The following MYO5B variants were observed in gnomAD, a reference collection of about 807,000 sequenced individuals.
MYO5B encodes myosin VB.
MYO5B carries 143 observed loss-of-function variants against 229.3 expected under a neutral mutation model. The ratio of observed to expected loss-of-function variants is 0.62; its 90% confidence interval spans 0.54 to 0.72. MYO5B has a LOEUF of 0.72. MYO5B is among the 30% of genes least tolerant of loss of function. The pLI is 0.00. For missense variants in MYO5B, 2,321 were observed against 2,331.0 expected (o/e 1.00, Z 0.09); for synonymous variants, 918 against 885.2 (o/e 1.04, Z -0.66).
At chr18:49,975,834 T>C (rs976707458) in intron 9 of MYO5B, among the ~76,000 whole-genome samples, 12 of 152,168 alleles carry the variant, frequency 7.9e-5, no homozygotes, top group African/African-American at 2.7e-4. Context: ...ATGTATCTCC[T>C]GCCTACCCCA....
chr18:49,921,256 G>GTT (rs11306054), intron 17 of MYO5B, among the ~76,000 whole-genome samples: 30 of 121,828 alleles, frequency 2.5e-4, no homozygotes, highest in Admixed American at 4.2e-4. Context: ...TTCAAGCAGA[G>GTT]TTTTTTTTTT....
At chr18:50,104,438 A>C (rs1291138657) in intron 1 of MYO5B, among the ~76,000 whole-genome samples, 1 of 151,966 alleles carries the variant, frequency 6.6e-6, no homozygotes, top group Admixed American at 6.6e-5. Flanking sequence ...GTGGTCATTA[A>C]TTTATTCAAT....
At position 50,046,713 on chromosome 18, in the gene MYO5B, T is replaced by A. The variant is rs181835993; in HGVS notation, c.139-6399A>T. Among the ~76,000 whole-genome samples the A allele has an allele frequency of 3.1e-3, 466 of 152,234 alleles. 1 individual carries two copies. The highest frequency in any genetic ancestry group is 0.011 in the African/African-American group (438 of 41,534). ...TAAAAGGTTGTTTTGTGCTATGTCC[T>A]AGACAAGCACAAAAAAACACAAACA... On this transcript the variant is annotated intron_variant, in intron 2 of 39. Coordinates refer to ENST00000285039, the MANE Select transcript of MYO5B (RefSeq NM_001080467.3).
chr18:49,826,728 C>CCTAATTGTCGTA, intron 39 of MYO5B, 105 bp from the exon 40 acceptor site: 1 of 1,353,026 alleles, frequency 7.4e-7, no homozygotes, highest in Non-Finnish European at 1.1e-6. Context: ...AAGATTTCTA[C>CCTAATTGTCGTA]GACAATTAGG....
chr18:50,061,219 T>C (rs959862393), intron 1 of MYO5B, among the ~76,000 whole-genome samples: 2 of 152,184 alleles, frequency 1.3e-5, no homozygotes, highest in African/African-American at 2.4e-5. Context: ...CACCATTTAT[T>C]AGCTTGTGTA....
At chr18:50,173,951 G>A (rs60552322) in intron 1 of MYO5B, among the ~76,000 whole-genome samples, 2 of 152,144 alleles carry the variant, frequency 1.3e-5, no homozygotes, top group African/African-American at 4.8e-5. Flanking sequence ...GTGTGTCTGC[G>A]AGGGCGTTTC....
At position 50,040,283 on chromosome 18, in the gene MYO5B, T is replaced by A; in HGVS notation, c.170A>T (p.Asn57Ile). 1 of 1,613,970 alleles carries A rather than the reference T, an allele frequency of 6.2e-7. No individual in the cohort carries two copies. The highest frequency in any genetic ancestry group is 8.5e-7 in the Non-Finnish European group (1 of 1,179,974). Residue 57 changes from asparagine to isoleucine, a missense_variant, in exon 3 of 40, where the codon AAC becomes ATC. Asn to Ile is a moderately radical substitution (Grantham distance 149). Coordinates refer to ENST00000285039, the MANE Select transcript of MYO5B (RefSeq NM_001080467.3). ...TGGATTCCGTAAGAAGGGCAGCTGG[T>A]TGCGTTGTACATCAATTGGGTATTC... ...ILEYPIDVQR[N>I]QLPFLRNPDI...
chr18:49,996,980 A>G (rs1267617589), intron 5 of MYO5B, among the ~76,000 whole-genome samples: 1 of 152,166 alleles, frequency 6.6e-6, no homozygotes, highest in African/African-American at 2.4e-5. Flanking sequence ...TCTTTGCCCT[A>G]AAAAGCGTGA....
At position 49,853,658 on chromosome 18, in the gene MYO5B, G is replaced by A. The variant is rs758895116; in HGVS notation, c.4023-11C>T. On this transcript the variant is annotated splice_polypyrimidine_tract_variant and intron_variant, in intron 30 of 39. Transcript: ENST00000285039. ...TGAGCCTCCAGCAGCCTGTGCCAGGGAGAGGACAGGTGAGCACGTGGCCCA... is the reference window on the plus strand; with the variant it reads ...TGAGCCTCCAGCAGCCTGTGCCAGGAAGAGGACAGGTGAGCACGTGGCCCA... 4 of 1,610,374 alleles carry A rather than the reference G, an allele frequency of 2.5e-6. No individual in the cohort carries two copies. The highest frequency in any genetic ancestry group is 3.3e-5 in the Admixed American group (2 of 59,962).
chr18:50,147,263 G>A (rs2032518459), intron 1 of MYO5B, among the ~76,000 whole-genome samples: 2 of 152,108 alleles, frequency 1.3e-5, no homozygotes, highest in South Asian at 4.1e-4. Flanking sequence ...GATCCTAGGA[G>A]TCACCCTTAG....
intron 1 of MYO5B, among the ~76,000 whole-genome samples, chr18:50,157,906 T>C (rs2032707141): frequency 6.6e-6 from 1 of 152,202 alleles, no homozygotes; most frequent in Non-Finnish European, 1.5e-5. Flanking sequence ...ATTGAGAATA[T>C]TTTAAAAACC....
At chr18:50,125,737 A>G (rs1459886551) in intron 1 of MYO5B, among the ~76,000 whole-genome samples, 1 of 152,196 alleles carries the variant, frequency 6.6e-6, no homozygotes, top group African/African-American at 2.4e-5. Context: ...CATTCATCAC[A>G]ATAGACAAAA....
In MYO5B at chr18:49,929,575, T is replaced by C. The variant is rs1453899437; in HGVS notation, c.2027A>G (p.Gln676Arg). The C allele has an allele frequency of 6.2e-7, 1 of 1,602,692 alleles. No homozygotes were observed. The part of the protein sequence containing the change: ...PFHFDPKRAV[Q>R]QLRACGVLET... Reference sequence around the variant, plus strand: ...CAACACCCCGCAGGCTCTGAGTTGCTGCACTGCTCTCTTTGGGTCAAAGCT... The same window carrying C: ...CAACACCCCGCAGGCTCTGAGTTGCCGCACTGCTCTCTTTGGGTCAAAGCT... Residue 676 changes from glutamine to arginine, a missense_variant, in exon 17 of 40, where the codon CAG (glutamine) becomes CGG (arginine). Coordinates refer to ENST00000285039, the MANE Select transcript of MYO5B (RefSeq NM_001080467.3).
intron 17 of MYO5B, among the ~76,000 whole-genome samples, chr18:49,918,296 T>A (rs897869415): frequency 6.6e-6 from 1 of 152,212 alleles, no homozygotes; most frequent in African/African-American, 2.4e-5. Flanking sequence ...CTCGGGCATG[T>A]TTCCTCATGA....
At chr18:49,853,726 A>G in intron 30 of MYO5B, 79 bp from the exon 31 acceptor site, 1 of 1,359,444 alleles carries the variant, frequency 7.4e-7, no homozygotes, top group Non-Finnish European at 1.0e-6. Context: ...GAAACATAAC[A>G]GGGGAGCAGC....
intron 9 of MYO5B, among the ~76,000 whole-genome samples, chr18:49,979,393 C>T (rs1313869299): frequency 2.6e-5 from 4 of 152,222 alleles, no homozygotes; most frequent in Non-Finnish European, 5.9e-5. Context: ...GGGGCCCTCT[C>T]AAACCCTAGA....
chr18:50,157,164 G>A (rs912220592), intron 1 of MYO5B, among the ~76,000 whole-genome samples: 2 of 151,806 alleles, frequency 1.3e-5, no homozygotes, highest in Non-Finnish European at 2.9e-5. Context: ...GGAGTGCAGT[G>A]GCGTGATCTC....
rs754860103 is a variant in MYO5B at position 49,912,145 on chromosome 18, A to C, written c.2119T>G (p.Tyr707Asp). 17 of 1,613,938 alleles carry C rather than the reference A, an allele frequency of 1.1e-5. No individual in the cohort carries two copies. Among genetic ancestry groups the C allele is most frequent in the Non-Finnish European group, 1.4e-5 (17 of 1,179,986 alleles). The part of the protein sequence containing the change: ...RWAYHDFFNR[Y>D]RVLVKKRELA... ...TCTCTCTTCTTGACCAGCACCCGAT[A>C]CCGGTTGAAAAAGTCATGGTAGGCC... is the stretch of plus-strand genomic sequence containing the variant. The change falls in exon 18 of 40, where the codon TAT becomes GAT. Residue 707 changes from tyrosine to aspartate, a missense_variant. Around this residue, in one of 2 missense-constraint regions of MYO5B, gnomAD observed 2,113 missense variants for 2,044.7 expected, o/e 1.03. Coordinates refer to ENST00000285039, the MANE Select transcript of MYO5B (RefSeq NM_001080467.3).
At chr18:49,952,094 T>C (rs2025436756) in intron 14 of MYO5B, among the ~76,000 whole-genome samples, 1 of 152,248 alleles carries the variant, frequency 6.6e-6, no homozygotes, top group East Asian at 1.9e-4. Flanking sequence ...GCAGTCTGCA[T>C]GCTGCTACTG....
Sources: gnomAD v4.1 joint callset for allele counts (sites outside exome capture counted in the v4.1 genomes callset) on GRCh38, gnomAD v4.1.1 for gene constraint, gnomAD v4.1.1 regional missense constraint, MANE v1.5 for transcripts, NCBI Gene and HGNC (gene_info 2026-07-23, HGNC 2026-07-21) for gene names.